The following KCNN2 variants were observed in gnomAD, a reference collection of about 807,000 sequenced individuals.
KCNN2 encodes potassium calcium-activated channel subfamily N member 2, also known as small conductance calcium-activated potassium channel protein 2.
KCNN2 carries 24 observed loss-of-function variants against 55.5 expected under a neutral mutation model. The observed-to-expected ratio is 0.43, with a 90% CI of 0.31 to 0.61. The LOEUF (loss-of-function observed/expected upper bound fraction) is 0.61. Among genes scored for constraint, KCNN2 ranks in the 20% least tolerant of loss-of-function variants. The pLI is 0.08. For synonymous variants in KCNN2, 431 were observed against 336.1 expected (o/e 1.28, Z -3.09); for missense variants, 754 against 853.6 (o/e 0.88, Z 1.45).
At chr5:114,064,257 G>A (rs1750393067) in intron 1 of KCNN2, among the ~76,000 whole-genome samples, 1 of 152,204 alleles carries the variant, frequency 6.6e-6, no homozygotes, top group South Asian at 2.1e-4. Flanking sequence ...CTCATCAAGA[G>A]GTAGGGTTTA....
chr5:114,384,593 G>A (rs1444237452), intron 2 of KCNN2, among the ~76,000 whole-genome samples: 3 of 152,202 alleles, frequency 2.0e-5, no homozygotes, highest in African/African-American at 7.2e-5. Flanking sequence ...AGAGTAGACA[G>A]ATATTCGACC....
At chr5:114,253,031 G>T (rs115561895) in intron 2 of KCNN2, among the ~76,000 whole-genome samples, 2 of 152,114 alleles carry the variant, frequency 1.3e-5, no homozygotes, top group African/African-American at 4.8e-5. Context: ...CTTCTCCTTG[G>T]GGGGTAGTAC....
chr5:114,394,271 G>A (rs1034053124), intron 2 of KCNN2, among the ~76,000 whole-genome samples: 1 of 152,084 alleles, frequency 6.6e-6, no homozygotes, highest in Non-Finnish European at 1.5e-5. Flanking sequence ...AAGTTTAAGA[G>A]CCATTTTCAT....
chr5:114,178,990 G>A (rs1019705886), intron 1 of KCNN2, among the ~76,000 whole-genome samples: 1 of 152,132 alleles, frequency 6.6e-6, no homozygotes, highest in Non-Finnish European at 1.5e-5. Context: ...AAAGACATTA[G>A]CATCTGTAGG....
intron 2 of KCNN2, among the ~76,000 whole-genome samples, chr5:114,313,856 C>T (rs1756451156): frequency 6.6e-6 from 1 of 152,132 alleles, no homozygotes; most frequent in African/African-American, 2.4e-5. Context: ...TCATAAGAAT[C>T]AGTCTCAAAG....
At chr5:114,117,798 C>T (rs1751736631) in intron 1 of KCNN2, among the ~76,000 whole-genome samples, 1 of 152,186 alleles carries the variant, frequency 6.6e-6, no homozygotes, top group Non-Finnish European at 1.5e-5. Context: ...CACTGTGCCA[C>T]ATGTTTGACA....
chr5:114,436,594 G>GT (rs955723633), intron 3 of KCNN2, among the ~76,000 whole-genome samples: 1 of 152,046 alleles, frequency 6.6e-6, no homozygotes, highest in African/African-American at 2.4e-5. Flanking sequence ...CGGTTGTTTG[G>GT]TTTTTTCCTC....
intron 1 of KCNN2, among the ~76,000 whole-genome samples, chr5:114,102,446 TC>T (rs1480749275): frequency 6.6e-6 from 1 of 152,206 alleles, no homozygotes; most frequent in African/African-American, 2.4e-5. Flanking sequence ...TTTAATTAGA[TC>T]CCTTTTGTCA....
At chr5:114,161,962 T>A (rs551032526) in intron 1 of KCNN2, among the ~76,000 whole-genome samples, 16 of 152,360 alleles carry the variant, frequency 1.1e-4, no homozygotes, top group South Asian at 2.1e-4. Flanking sequence ...CTCCTTTAGC[T>A]TGGAGTAGTT....
In KCNN2 at chr5:114,269,285, A is replaced by G. The variant is rs552648279; in HGVS notation, c.-185+47720A>G. Among the ~76,000 whole-genome samples, 3 of 152,266 alleles carry G rather than the reference A, an allele frequency of 2.0e-5. No homozygotes were observed. The East Asian group carries it at 5.8e-4, about 29-fold the overall frequency. ...AAAGCTAAGGCCTGCACATAACCAC[A>G]TAAGCTACCCTAAAGGCACTTGGCT... On this transcript the variant is annotated intron_variant, in intron 2 of 10. Transcript: ENST00000512097.
rs182433512 is a variant in KCNN2 at position 114,279,668 on chromosome 5, A to G, written c.-185+58103A>G. 1.1e-3 allele frequency among the ~76,000 whole-genome samples: 169 copies of G among 152,298 alleles called. 1 individual carries two copies. The South Asian group carries it at 0.022, about 20-fold the overall frequency. Reference sequence around the variant, plus strand: ...GGCTGCATAGTATTGCATCGTATATATGTGCCACATTTTCTTAATCCAGTC... The same window carrying G: ...GGCTGCATAGTATTGCATCGTATATGTGTGCCACATTTTCTTAATCCAGTC... On this transcript the variant is annotated intron_variant, in intron 2 of 10. Transcript: ENST00000512097.
At position 114,485,608 on chromosome 5, in the gene KCNN2, A is replaced by G. The variant is rs567830192; in HGVS notation, c.1891-1442A>G. On this transcript the variant is annotated intron_variant, in intron 5 of 7. Transcript: ENST00000673685. Reference sequence around the variant, plus strand: ...TTTTAACTTCACTGTGGATGGTGGTAGTGTTACTTATACGCAGTGCTGGCA... The same window carrying G: ...TTTTAACTTCACTGTGGATGGTGGTGGTGTTACTTATACGCAGTGCTGGCA... Among the ~76,000 whole-genome samples, 20 of 152,274 alleles carry G rather than the reference A, an allele frequency of 1.3e-4. No individual in the cohort carries two copies. The East Asian group carries it at 3.5e-3, about 27-fold the overall frequency.
intron 2 of KCNN2, among the ~76,000 whole-genome samples, chr5:114,307,295 C>G (rs1756301781): frequency 6.6e-6 from 1 of 152,162 alleles, no homozygotes; most frequent in African/African-American, 2.4e-5. Context: ...TGCATTGCAG[C>G]AACTGACATT....
chr5:114,250,582 A>G (rs1754838457), intron 2 of KCNN2, among the ~76,000 whole-genome samples: 2 of 152,208 alleles, frequency 1.3e-5, no homozygotes, highest in South Asian at 4.1e-4. Flanking sequence ...GGTAGAGTGC[A>G]CAGGGCACAT....
intron 2 of KCNN2, among the ~76,000 whole-genome samples, chr5:114,280,234 C>T (rs540875805): frequency 1.3e-5 from 2 of 152,292 alleles, no homozygotes; most frequent in African/African-American, 4.8e-5. Flanking sequence ...TAAAAATTTT[C>T]TCCTATTCTG....
intron 2 of KCNN2, among the ~76,000 whole-genome samples, chr5:114,240,320 T>G (rs1040874313): frequency 6.6e-6 from 1 of 151,642 alleles, no homozygotes. Context: ...TAAAAGCTTA[T>G]AAAATAAGAA....
rs1309590184 is a variant in KCNN2, at chr5:114,449,908, A to ACACACACACACACACACACACGCGCG, written c.1638-13140_1638-13139insACACACACACACACACACACGCGCGC. 3.9e-3 allele frequency among the ~76,000 whole-genome samples: 261 copies of ACACACACACACACACACACACGCGCG among 66,104 alleles called. 1 individual carries two copies. The highest frequency in any genetic ancestry group is 8.5e-3 in the African/African-American group (243 of 28,634). 43.4% of individuals were successfully genotyped at this position (66,104 alleles called of 152,430 possible). The stretch of plus-strand genomic sequence containing the variant: ...CACACACACACACACACACACACAC[A>ACACACACACACACACACACACGCGCG]CGCGCGCGCTCGCGTGCGCGCACTC... On this transcript the variant is annotated intron_variant, in intron 3 of 7. Transcript: ENST00000673685.
intron 2 of KCNN2, among the ~76,000 whole-genome samples, chr5:114,401,522 G>A (rs1048474524): frequency 3.9e-5 from 6 of 152,090 alleles, no homozygotes; most frequent in African/African-American, 1.4e-4. Context: ...AGGTAGACAC[G>A]GAGTCTCACT....
chr5:114,079,456 C>G lies in KCNN2; in HGVS notation c.-271+22956C>G, dbSNP rs921182800. On this transcript the variant is annotated intron_variant, in intron 1 of 10. Transcript: ENST00000512097. ...CATAGCAGAGTAGAAATAGCATGAG[C>G]TTAAGGGTAGGGCAGACCTAGGCTC... Among the ~76,000 whole-genome samples the G allele has an allele frequency of 9.9e-5, 15 of 152,250 alleles. No homozygotes were observed. The East Asian group carries it at 1.7e-3, about 18-fold the overall frequency.
Sources: gnomAD v4.1 joint callset for allele counts (sites outside exome capture counted in the v4.1 genomes callset) on GRCh38, gnomAD v4.1.1 for gene constraint, MANE v1.5 for transcripts, NCBI Gene and HGNC (gene_info 2026-07-23, HGNC 2026-07-21) for gene names.